The following PHF24 variants were observed in gnomAD, a reference collection of about 807,000 sequenced individuals.
PHF24 encodes the protein PHD finger protein 24, also known as Galpha inhibitory interacting protein.
In PHF24, 25 loss-of-function variants were observed where a neutral mutation model predicts 42.6. The ratio of observed to expected loss-of-function variants is 0.59; its 90% CI spans 0.43 to 0.82. The LOEUF (loss-of-function observed/expected upper bound fraction) is 0.82, where lower values mean the gene tolerates loss of function less well. Among genes scored for constraint, PHF24 ranks in the 40% least tolerant of loss-of-function variants. The pLI is 0.00. For synonymous variants in PHF24, 185 were observed against 204.8 expected (o/e 0.90, Z 0.83); for missense variants, 470 against 538.1 (o/e 0.87, Z 1.25).
At chr9:34,939,226 C>T in the PHF24 span, among the ~76,000 whole-genome samples, 1 of 152,140 alleles carries the variant, frequency 6.6e-6, no homozygotes, top group Non-Finnish European at 1.5e-5. Flanking sequence ...TTGCAGTGAG[C>T]CAAGATCGTG....
At chr9:34,809,742 C>T in the PHF24 span, among the ~76,000 whole-genome samples, 4 of 152,176 alleles carry the variant, frequency 2.6e-5, no homozygotes, top group Non-Finnish European at 5.9e-5. This position sits in a 1 kb window ranked among gnomAD's most constrained non-coding sequence, Gnocchi z 4.1. Flanking sequence ...CCCCTCCGGG[C>T]GGACACTGTT....
the PHF24 span, among the ~76,000 whole-genome samples, chr9:34,850,504 TA>T: frequency 6.6e-6 from 1 of 152,232 alleles, no homozygotes; most frequent in Non-Finnish European, 1.5e-5. Context: ...TACATTTGTC[TA>T]AATTTTTTTC....
chr9:34,940,806 A>G, the PHF24 span, among the ~76,000 whole-genome samples: 1 of 152,172 alleles, frequency 6.6e-6, no homozygotes, highest in Non-Finnish European at 1.5e-5. Context: ...GATTTCACAC[A>G]TATTCCCTTC....
chr9:34,822,235 C>A, the PHF24 span, among the ~76,000 whole-genome samples: 1 of 152,118 alleles, frequency 6.6e-6, no homozygotes, highest in Non-Finnish European at 1.5e-5. Context: ...TTCTGCTCTT[C>A]ATTTCTTGGT....
At chr9:34,883,879 G>A in the PHF24 span, among the ~76,000 whole-genome samples, 1 of 152,160 alleles carries the variant, frequency 6.6e-6, no homozygotes. Flanking sequence ...ATACCCAAAG[G>A]ATTATAAATC....
the PHF24 span, among the ~76,000 whole-genome samples, chr9:34,846,543 G>A: frequency 6.6e-6 from 1 of 151,886 alleles, no homozygotes. Context: ...CTCCCATTTT[G>A]TAGGTTGCCT....
chr9:34,834,733 C>T, the PHF24 span: 15 of 1,540,318 alleles, frequency 9.7e-6, no homozygotes, highest in South Asian at 1.4e-4. Context: ...GCAGGTGCCA[C>T]TCCAAGGCTT....
chr9:34,973,002 G>A (rs181051526), intron 3 of PHF24, among the ~76,000 whole-genome samples: 288 of 152,016 alleles, frequency 1.9e-3, no homozygotes, highest in Non-Finnish European at 3.6e-3. Flanking sequence ...TACATTTTAG[G>A]CTGGCTAGTT....
chr9:34,673,824 T>C, the PHF24 span, among the ~76,000 whole-genome samples: 2 of 152,144 alleles, frequency 1.3e-5, no homozygotes, highest in Admixed American at 6.6e-5. Flanking sequence ...GGTTTCACCA[T>C]GTTAGCCAGG....
the PHF24 span, among the ~76,000 whole-genome samples, chr9:34,673,173 T>C: frequency 1.1e-4 from 16 of 152,096 alleles, no homozygotes. Context: ...CTAGCCAACC[T>C]AGTGAAATCC....
At chr9:34,935,293 A>G in the PHF24 span, among the ~76,000 whole-genome samples, 3 of 152,196 alleles carry the variant, frequency 2.0e-5, no homozygotes, top group Non-Finnish European at 4.4e-5. Flanking sequence ...GGTGGGTTCA[A>G]GAGAGAATGG....
At chr9:34,874,477 C>T in the PHF24 span, among the ~76,000 whole-genome samples, 3 of 152,146 alleles carry the variant, frequency 2.0e-5, no homozygotes, top group Non-Finnish European at 4.4e-5. Flanking sequence ...CCACTGCCTG[C>T]CCAGGATCTA....
At chr9:34,714,221 A>C in the PHF24 span, among the ~76,000 whole-genome samples, 1 of 152,148 alleles carries the variant, frequency 6.6e-6, no homozygotes, top group Non-Finnish European at 1.5e-5. Flanking sequence ...CTAGGCAAAA[A>C]CAAGGAGATA....
the PHF24 span, chr9:34,690,450 G>GTGTA: frequency 4.2e-6 from 4 of 956,710 alleles, no homozygotes; most frequent in East Asian, 1.1e-4. Flanking sequence ...GTGTGTGTGT[G>GTGTA]TGTGTGTGTG....
At chr9:34,679,241 C>A in the PHF24 span, among the ~76,000 whole-genome samples, 486 of 152,322 alleles carry the variant, frequency 3.2e-3, 4 homozygotes, top group East Asian at 3.5e-3. Flanking sequence ...GTGTCTGTGG[C>A]CAATTACCAT....
At chr9:34,859,069 T>G in the PHF24 span, among the ~76,000 whole-genome samples, 1 of 152,216 alleles carries the variant, frequency 6.6e-6, no homozygotes, top group Non-Finnish European at 1.5e-5. Flanking sequence ...TGCCTGGGCC[T>G]GGGTGCCTTT....
the PHF24 span, among the ~76,000 whole-genome samples, chr9:34,736,878 C>A: frequency 6.6e-6 from 1 of 151,974 alleles, no homozygotes; most frequent in Non-Finnish European, 1.5e-5. Flanking sequence ...AATGTGTCAG[C>A]GTGGAATTCT....
chr9:34,682,488 G>A, the PHF24 span, among the ~76,000 whole-genome samples: 1 of 152,136 alleles, frequency 6.6e-6, no homozygotes, highest in Non-Finnish European at 1.5e-5. Context: ...ATTATGTTAG[G>A]TGATACGCTC....
the PHF24 span, among the ~76,000 whole-genome samples, chr9:34,854,069 G>A: frequency 2.0e-5 from 3 of 152,070 alleles, no homozygotes; most frequent in Non-Finnish European, 4.4e-5. Context: ...GTGCATAGAG[G>A]TGTTTATAGT....
Sources: allele counts gnomAD v4.1 joint callset (sites outside exome capture counted in the v4.1 genomes callset), GRCh38; gene constraint gnomAD v4.1.1; non-coding constraint Gnocchi (gnomAD v3.1); transcripts MANE v1.5; gene names NCBI Gene and HGNC (gene_info 2026-07-23, HGNC 2026-07-21).